Variants in CANX observed in about 807,000 individuals in gnomAD.
CANX encodes calnexin.
CANX carries 14 observed loss-of-function variants against 75.7 expected under a neutral mutation model. The observed-to-expected ratio is 0.19, with a 90% confidence interval of 0.12 to 0.29. The LOEUF is 0.29. Among genes scored for constraint, CANX ranks in the 10% least tolerant of loss-of-function variants. The pLI, the probability that CANX is intolerant of heterozygous loss-of-function variation, is 1.00. For synonymous variants in CANX, 227 were observed against 236.9 expected (o/e 0.96, Z 0.38); for missense variants, 567 against 713.2 (o/e 0.79, Z 2.34).
intron 1 of CANX, among the ~76,000 whole-genome samples, chr5:179,699,995 G>A (rs1377071329): frequency 6.6e-6 from 1 of 152,156 alleles, no homozygotes; most frequent in Non-Finnish European, 1.5e-5. Context: ...ATTAAATTAA[G>A]ATATGTATAC....
intron 7 of CANX, among the ~76,000 whole-genome samples, chr5:179,712,133 T>TC (rs1554144383): frequency 1.5e-4 from 22 of 150,888 alleles, no homozygotes; most frequent in African/African-American, 5.1e-4. Context: ...TTTTTTTTTT[T>TC]CTACAAAGAG....
intron 1 of CANX, chr5:179,679,433 C>G: frequency 1.6e-6 from 1 of 609,652 alleles, no homozygotes. Flanking sequence ...GCAGTCTCAC[C>G]TAAACCATCT....
intron 14 of CANX, 109 bp from the exon 15 acceptor site, chr5:179,728,482 T>C: frequency 1.5e-6 from 1 of 668,780 alleles, no homozygotes; most frequent in South Asian, 1.8e-5. Context: ...ATTTTCCTCA[T>C]TTTTTTCCTC....
rs1385113366 is a variant in CANX, at chr5:179,730,441, T to C, written c.*1797T>C. On this transcript the variant is annotated 3_prime_UTR_variant, in exon 15 of 15. Coordinates refer to ENST00000247461, the MANE Select transcript of CANX (RefSeq NM_001746.4). ...GTATTGATTACAAATAAACAGTTGTTACTTAGCAAGACCTGAAAATATGTC... is the reference window on the plus strand; with the variant it reads ...GTATTGATTACAAATAAACAGTTGTCACTTAGCAAGACCTGAAAATATGTC... 6.6e-6 allele frequency: 1 copy of C among 152,244 alleles called. No homozygotes were observed. Among genetic ancestry groups the C allele is most frequent in the Non-Finnish European group, 1.5e-5 (1 of 68,036 alleles). 9.4% of individuals were successfully genotyped at this position (152,244 alleles called of 1,614,324 possible).
rs1312004454 is a variant in CANX at position 179,710,041 on chromosome 5, A to G, written c.697A>G (p.Lys233Glu). The G allele has an allele frequency of 1.9e-6, 3 of 1,603,384 alleles. No individual in the cohort carries two copies. Among genetic ancestry groups the G allele is most frequent in the Non-Finnish European group, 1.7e-6 (2 of 1,172,416 alleles). Residue 233 changes from lysine to glutamate, a missense_variant, in exon 7 of 15, where the codon AAG becomes GAG. Coordinates refer to ENST00000247461, the MANE Select transcript of CANX (RefSeq NM_001746.4). ...DADLKTYFTD[K>E]KTHLYTLILN... The stretch of plus-strand genomic sequence containing the variant: ...AGATCTGAAGACCTATTTTACTGAT[A>G]AGAAAACACATCTTTACACACTAAG...
At chr5:179,699,217 T>G in intron 1 of CANX, 115 bp downstream of exon 1, 2 of 594,142 alleles carry the variant, frequency 3.4e-6, no homozygotes, top group Non-Finnish European at 4.3e-6. Context: ...GGGCTGGCTC[T>G]TGAGGGCCCA....
At chr5:179,680,939 G>C in intron 1 of CANX, 3 of 1,534,576 alleles carry the variant, frequency 2.0e-6, no homozygotes, top group Non-Finnish European at 2.6e-6. Context: ...CCTTGAGATT[G>C]TATCTTCTCG....
chr5:179,682,743 C>T (rs561105388), intron 1 of CANX, among the ~76,000 whole-genome samples: 84 of 146,782 alleles, frequency 5.7e-4, no homozygotes, highest in Non-Finnish European at 1.0e-3. Flanking sequence ...AATTCTGATA[C>T]GTACAGTGAA....
At chr5:179,682,240 GA>G (rs1302291863) in intron 1 of CANX, among the ~76,000 whole-genome samples, 3 of 131,136 alleles carry the variant, frequency 2.3e-5, no homozygotes, top group African/African-American at 8.6e-5. Flanking sequence ...CAACAAGAGC[GA>G]AACTCCATCT....
At chr5:179,678,904 G>A (rs750260749) in intron 1 of CANX, 3 of 1,535,050 alleles carry the variant, frequency 2.0e-6, no homozygotes, top group South Asian at 1.2e-5. Context: ...TCCACCGCCC[G>A]CCGCGGAACA....
chr5:179,714,739 G>T (rs907016388), intron 7 of CANX, among the ~76,000 whole-genome samples: 10 of 151,942 alleles, frequency 6.6e-5, no homozygotes, highest in Admixed American at 3.3e-4. Flanking sequence ...GGATGGTCTC[G>T]ATCTCCTGAC....
chr5:179,708,130 G>A lies in CANX; in HGVS notation c.305-109G>A, dbSNP rs1581855951. ...TGGGATTATAGGTGTGAGCGACCACGGCTGCCCCAGTATAATATATTTATG... is the reference window on the plus strand; with the variant it reads ...TGGGATTATAGGTGTGAGCGACCACAGCTGCCCCAGTATAATATATTTATG... On this transcript the variant is annotated intron_variant, in intron 4 of 14. Transcript: ENST00000247461. The A allele has an allele frequency of 1.6e-4, 140 of 859,048 alleles. 2 individuals carry two copies. In the East Asian group the frequency reaches 3.3e-3, roughly 20 times the overall value. The allele number at this position is 859,048 out of a possible 1,614,324, so 53.2% of individuals were successfully genotyped here.
In CANX at chr5:179,684,926, A is replaced by ATTTTTTTTTTTTTTTTTT. The variant is rs71001039; in HGVS notation, c.-4+6162_-4+6179dup. Among the ~76,000 whole-genome samples the ATTTTTTTTTTTTTTTTTT allele has an allele frequency of 3.3e-3, 161 of 49,144 alleles. 13 individuals carry two copies. Among genetic ancestry groups the ATTTTTTTTTTTTTTTTTT allele is most frequent in the South Asian group, 0.01 (9 of 878 alleles). 32.2% of individuals were successfully genotyped at this position (49,144 alleles called of 152,430 possible). A position where few individuals can be genotyped will look rare whatever the true frequency, so the allele number is the denominator to read the frequency against. On this transcript the variant is annotated intron_variant, in intron 1 of 14. Coordinates refer to the CANX transcript ENST00000681674. ...TGCCACCACACCTGGCTAATTTTGT[A>ATTTTTTTTTTTTTTTTTT]TTTTTTTTTTTTTTTTTTTTTTTTT... is the stretch of plus-strand genomic sequence containing the variant.
At chr5:179,714,536 G>C (rs1167405656) in intron 7 of CANX, among the ~76,000 whole-genome samples, 1 of 122,812 alleles carries the variant, frequency 8.1e-6, no homozygotes, top group Non-Finnish European at 1.7e-5. Flanking sequence ...TTTTTTTTTT[G>C]AGACGGAGTC....
At chr5:179,698,587 C>G (rs1285184190), upstream of CANX, 1 of 1,289,300 alleles carries the variant, frequency 7.8e-7, no homozygotes, top group East Asian at 5.5e-5. Flanking sequence ...CAAGTCTCGG[C>G]TCCAGGAACC....
intron 8 of CANX, among the ~76,000 whole-genome samples, chr5:179,718,571 C>A (rs1778115786): frequency 6.6e-6 from 1 of 151,444 alleles, no homozygotes; most frequent in African/African-American, 2.4e-5. Context: ...TCTTGTCGCC[C>A]AGGCTGGAGT....
At chr5:179,716,699 A>G (rs976610268) in intron 8 of CANX, among the ~76,000 whole-genome samples, 2 of 152,252 alleles carry the variant, frequency 1.3e-5, no homozygotes, top group Non-Finnish European at 2.9e-5. Context: ...GTTGGGTGGT[A>G]GAATACAAAG....
chr5:179,691,841 G>A (rs1050391956), intron 1 of CANX, among the ~76,000 whole-genome samples: 6 of 151,950 alleles, frequency 3.9e-5, no homozygotes, highest in African/African-American at 4.8e-5. Flanking sequence ...GCAGTGGCAC[G>A]AACTCAGCTC....
At chr5:179,719,829 T>G (rs751052187) in intron 9 of CANX, 48 bp downstream of exon 9, 228 of 717,736 alleles carry the variant, frequency 3.2e-4, no homozygotes, top group Non-Finnish European at 4.3e-4. Context: ...TTTTTGTTTG[T>G]TTTTTTTTTT....
Sources: allele counts gnomAD v4.1 joint callset (sites outside exome capture counted in the v4.1 genomes callset), GRCh38; gene constraint gnomAD v4.1.1; transcripts MANE v1.5; gene names NCBI Gene and HGNC (gene_info 2026-07-23, HGNC 2026-07-21).